MEIS1: variants seen among roughly 807,000 people sequenced by gnomAD.
MEIS1 encodes the protein Meis homeobox 1.
In MEIS1, 5 loss-of-function variants were observed where a neutral mutation model predicts 50.8. The ratio of observed to expected loss-of-function variants is 0.10; its 90% CI spans 0.05 to 0.21. The LOEUF (loss-of-function observed/expected upper bound fraction) is 0.21, where lower values mean the gene tolerates loss of function less well. Among genes scored for constraint, MEIS1 ranks in the 10% least tolerant of loss-of-function variants. The pLI is 1.00. For missense variants in MEIS1, 318 were observed against 517.3 expected, an observed-to-expected ratio of 0.61 and a Z score of 3.74; for synonymous variants, 176 against 179.3, an observed-to-expected ratio of 0.98 and a Z score of 0.15.
intron 7 of MEIS1, among the ~76,000 whole-genome samples, chr2:66,481,252 T>C (rs1673008538): frequency 6.6e-6 from 1 of 152,214 alleles, no homozygotes; most frequent in African/African-American, 2.4e-5. Context: ...TTGTTTGTGG[T>C]TGGCTCTCTA....
chr2:66,447,396 C>T (rs1202714832), intron 6 of MEIS1, among the ~76,000 whole-genome samples: 6 of 152,168 alleles, frequency 3.9e-5, no homozygotes, highest in African/African-American at 1.4e-4. Flanking sequence ...CCTAACTTTA[C>T]ATTTGATTGT....
chr2:66,545,599 C>G (rs1023768210), intron 8 of MEIS1, among the ~76,000 whole-genome samples: 1 of 152,288 alleles, frequency 6.6e-6, no homozygotes, highest in South Asian at 2.1e-4. Context: ...CTAGTAGAGA[C>G]ATAGACCTAC....
chr2:66,498,966 A>G (rs1198888724), intron 7 of MEIS1, among the ~76,000 whole-genome samples: 2 of 152,218 alleles, frequency 1.3e-5, no homozygotes, highest in African/African-American at 2.4e-5. Flanking sequence ...AGTTACTTTT[A>G]TCTTTACTGT....
At chr2:66,489,650 T>C (rs760616730) in intron 7 of MEIS1, among the ~76,000 whole-genome samples, 47 of 152,292 alleles carry the variant, frequency 3.1e-4, no homozygotes, top group Middle Eastern at 6.8e-3. Flanking sequence ...ACAAAGAGGA[T>C]GAAGATAAAC....
intron 6 of MEIS1, chr2:66,443,291 G>A: frequency 2.1e-6 from 1 of 478,468 alleles, no homozygotes; most frequent in East Asian, 4.0e-5. Flanking sequence ...CCTGTTTCTT[G>A]TCGCTTTTAA....
chr2:66,562,675 GA>G, intron 9 of MEIS1, among the ~76,000 whole-genome samples: 1 of 151,918 alleles, frequency 6.6e-6, no homozygotes, highest in East Asian at 1.9e-4. Context: ...ATTTGGACAT[GA>G]AAAAAAGCTA....
chr2:66,443,118 C>T, intron 6 of MEIS1, 70 bp downstream of exon 6: 1 of 1,461,224 alleles, frequency 6.8e-7, no homozygotes, highest in East Asian at 2.5e-5. Flanking sequence ...TGCTGGGTCA[C>T]TACCACCTCC....
At chr2:66,480,772 C>T (rs1672997260) in intron 7 of MEIS1, among the ~76,000 whole-genome samples, 1 of 152,168 alleles carries the variant, frequency 6.6e-6, no homozygotes, top group Admixed American at 6.5e-5. Context: ...GTCTTCTTTG[C>T]TAAGTCTCAT....
chr2:66,526,192 G>A (rs1268207939), intron 8 of MEIS1, among the ~76,000 whole-genome samples: 1 of 152,208 alleles, frequency 6.6e-6, no homozygotes, highest in African/African-American at 2.4e-5. Context: ...ATTATTATAA[G>A]TAGTGCATAC....
chr2:66,514,825 G>A (rs1011095717), intron 8 of MEIS1, among the ~76,000 whole-genome samples: 1 of 152,104 alleles, frequency 6.6e-6, no homozygotes, highest in Admixed American at 6.6e-5. Context: ...CAGCTATAAG[G>A]AACACCCGTT....
intron 5 of MEIS1, among the ~76,000 whole-genome samples, chr2:66,442,270 T>TA (rs11292294): frequency 0.025 from 2,890 of 114,532 alleles, 87 homozygotes; most frequent in African/African-American, 0.072. Context: ...CTCCTTTTTG[T>TA]AAAAAAAAAA....
At chr2:66,482,918 G>A (rs1310199984) in intron 7 of MEIS1, among the ~76,000 whole-genome samples, 40 of 152,176 alleles carry the variant, frequency 2.6e-4, no homozygotes, top group Admixed American at 2.6e-3. Context: ...CTCTACTCAT[G>A]GAGAACAGGC....
At chr2:66,510,947 T>A (rs1673813976) in intron 7 of MEIS1, among the ~76,000 whole-genome samples, 1 of 152,136 alleles carries the variant, frequency 6.6e-6, no homozygotes, top group Non-Finnish European at 1.5e-5. Flanking sequence ...AAGTTTCAGG[T>A]TCTTTGGGTC....
chr2:66,516,672 G>A (rs536872587), intron 8 of MEIS1, among the ~76,000 whole-genome samples: 2 of 152,194 alleles, frequency 1.3e-5, no homozygotes, highest in East Asian at 1.9e-4. Context: ...AAGCCAATGC[G>A]AGAGGTTGTA....
intron 7 of MEIS1, among the ~76,000 whole-genome samples, chr2:66,474,889 C>G (rs1002895043): frequency 3.3e-5 from 5 of 151,960 alleles, no homozygotes; most frequent in Non-Finnish European, 5.9e-5. Context: ...CCTTACGTAG[C>G]AAAGCTTACA....
intron 9 of MEIS1, among the ~76,000 whole-genome samples, chr2:66,555,271 TCTCTCTCTC>T (rs1187550040): frequency 3.0e-4 from 8 of 27,016 alleles, no homozygotes; most frequent in South Asian, 2.6e-3. Context: ...TCTCTCTCTC[TCTCTCTCTC>T]GTCTCTCTCC....
At chr2:66,555,708 C>G (rs969884907) in intron 9 of MEIS1, among the ~76,000 whole-genome samples, 1 of 152,096 alleles carries the variant, frequency 6.6e-6, no homozygotes, top group African/African-American at 2.4e-5. Flanking sequence ...CCGTTAAGCA[C>G]GGAAGCGCAG....
intron 9 of MEIS1, among the ~76,000 whole-genome samples, chr2:66,560,830 G>A (rs1675195637): frequency 6.6e-6 from 1 of 152,052 alleles, no homozygotes; most frequent in African/African-American, 2.4e-5. Flanking sequence ...TTCTCCTCCT[G>A]CCGCTGTTCT....
chr2:66,455,720 GA>G (rs1362143388), intron 6 of MEIS1, among the ~76,000 whole-genome samples: 1 of 152,158 alleles, frequency 6.6e-6, no homozygotes, highest in East Asian at 1.9e-4. Context: ...TGAGTATTGA[GA>G]GGAGAATGAA....
Sources: gnomAD v4.1 joint callset for allele counts (sites outside exome capture counted in the v4.1 genomes callset) on GRCh38, gnomAD v4.1.1 for gene constraint, MANE v1.5 for transcripts, NCBI Gene and HGNC (gene_info 2026-07-23, HGNC 2026-07-21) for gene names.